Variants in VPS13A observed in about 807,000 individuals in gnomAD.
The protein encoded by VPS13A is intermembrane lipid transfer protein VPS13A.
VPS13A carries 264 observed loss-of-function variants against 390.9 expected under a neutral mutation model. That is an observed-to-expected ratio of 0.68 (90% CI 0.61 to 0.75). The LOEUF (loss-of-function observed/expected upper bound fraction) is 0.75, where lower values mean the gene tolerates loss of function less well. Ranked by LOEUF, VPS13A falls within the 30% of genes least tolerant of loss-of-function variation. The pLI, the probability that VPS13A is intolerant of heterozygous loss-of-function variation, is 0.00. For missense variants in VPS13A, 3,409 were observed against 3,733.9 expected, an observed-to-expected ratio of 0.91 and a Z score of 2.27; for synonymous variants, 1,231 against 1,227.1, an observed-to-expected ratio of 1.00 and a Z score of -0.07.
At chr9:77,250,374 C>T in intron 21 of VPS13A, 145 bp downstream of exon 21, 1 of 1,049,256 alleles carries the variant, frequency 9.5e-7, no homozygotes, top group Non-Finnish European at 1.4e-6. Context: ...TCTAGCTGTT[C>T]TTACCAGGAG....
chr9:77,237,993 T>C lies in VPS13A; in HGVS notation c.1596-9T>C. 6.3e-7 allele frequency: 1 copy of C among 1,586,574 alleles called. No individual in the cohort carries two copies. Among genetic ancestry groups the C allele is most frequent in the Non-Finnish European group, 8.6e-7 (1 of 1,160,600 alleles). On this transcript the variant is annotated splice_polypyrimidine_tract_variant and intron_variant, in intron 17 of 71. Transcript: ENST00000360280. ...GATCGCTGACTTTTTTCTTTTTTTT[T>C]TAATGCAGATTTGAAACTAAAATAG...
intron 59 of VPS13A, among the ~76,000 whole-genome samples, chr9:77,364,493 A>T (rs1832330722): frequency 6.6e-6 from 1 of 152,088 alleles, no homozygotes; most frequent in African/African-American, 2.4e-5. Context: ...ACTCAACCAT[A>T]ACTTAACCTC....
chr9:77,236,794 C>G (rs1287831520), intron 17 of VPS13A, among the ~76,000 whole-genome samples: 1 of 152,144 alleles, frequency 6.6e-6, no homozygotes, highest in African/African-American at 2.4e-5. Context: ...TTAGCTGCGC[C>G]CATATTAATG....
Position 77,226,617 on chromosome 9 carries a change from A to G in VPS13A, c.1357+19A>G. ...CCTGAAAGTATGTCCATTTCATTTT[A>G]CAGCATAGTTAATCACTGGGTGTCA... On this transcript the variant is annotated intron_variant, in intron 15 of 71. Coordinates refer to ENST00000360280, the MANE Select transcript of VPS13A (RefSeq NM_033305.3). The G allele has an allele frequency of 6.2e-7, 1 of 1,609,400 alleles. No individual in the cohort carries two copies. Among genetic ancestry groups the G allele is most frequent in the Non-Finnish European group, 8.5e-7 (1 of 1,177,154 alleles).
At position 77,280,285 on chromosome 9, in the gene VPS13A, G is replaced by A. The variant is rs781313793; in HGVS notation, c.2904+47G>A. 4 of 1,466,678 alleles carry A rather than the reference G, an allele frequency of 2.7e-6. No individual in the cohort carries two copies. The South Asian group carries it at 4.6e-5, about 17-fold the overall frequency. The allele number at this position is 1,466,678 out of a possible 1,614,324, so 90.9% of individuals were successfully genotyped here. ...TGCTTAATATGGTAAGTATGCTGCT[G>A]AAATGTTAAGTTTTGTAAGTTTGGT... On this transcript the variant is annotated intron_variant, in intron 27 of 71. Transcript: ENST00000360280.
intron 1 of VPS13A, among the ~76,000 whole-genome samples, chr9:77,191,936 T>C (rs562829913): frequency 6.6e-6 from 1 of 152,166 alleles, no homozygotes; most frequent in South Asian, 2.1e-4. Context: ...TCTAATACTG[T>C]CAGTGGGTTT....
chr9:77,321,096 T>A, intron 42 of VPS13A, 73 bp from the exon 43 acceptor site: 1 of 1,333,746 alleles, frequency 7.5e-7, no homozygotes, highest in Non-Finnish European at 1.1e-6. Context: ...TTTCTAATGT[T>A]GGTATTGGGA....
chr9:77,365,725 T>G, intron 60 of VPS13A, 152 bp downstream of exon 60: 1 of 556,346 alleles, frequency 1.8e-6, no homozygotes, highest in South Asian at 2.5e-5. Context: ...TTTTATTTAT[T>G]TTTAAATAAC....
At chr9:77,403,135 G>T (rs962989682) in intron 68 of VPS13A, 101 bp from the exon 69 acceptor site, 9 of 767,770 alleles carry the variant, frequency 1.2e-5, no homozygotes, top group Middle Eastern at 3.4e-4. Context: ...TTAATGGTTT[G>T]CCCCATTGAG....
At chr9:77,370,783 T>TA in intron 65 of VPS13A, 107 bp from the exon 66 acceptor site, 1 of 1,486,110 alleles carries the variant, frequency 6.7e-7, no homozygotes, top group Non-Finnish European at 9.3e-7. Flanking sequence ...TGTTAATTCT[T>TA]ATGCTATATA....
chr9:77,271,377 C>A (rs73466074), intron 23 of VPS13A, among the ~76,000 whole-genome samples: 1,871 of 152,078 alleles, frequency 0.012, 39 homozygotes, highest in African/African-American at 0.042. Flanking sequence ...ATAGCATAAC[C>A]CTTTGTAATT....
chr9:77,297,745 T>G (rs1214730898), intron 33 of VPS13A, among the ~76,000 whole-genome samples: 1 of 152,072 alleles, frequency 6.6e-6, no homozygotes, highest in African/African-American at 2.4e-5. Flanking sequence ...TATAAGGGAT[T>G]AATAAGTAAT....
intron 31 of VPS13A, 117 bp downstream of exon 31, chr9:77,283,767 A>C: frequency 2.4e-6 from 2 of 848,872 alleles, no homozygotes; most frequent in South Asian, 1.7e-5. Context: ...TATTATGTGC[A>C]TGGGTTTTGG....
At chr9:77,217,783 CTTTTTTTTTTT>C (rs546757591) in intron 10 of VPS13A, among the ~76,000 whole-genome samples, 1 of 138,554 alleles carries the variant, frequency 7.2e-6, no homozygotes, top group Non-Finnish European at 1.6e-5. Context: ...CTTTTTTTTT[CTTTTTTTTTTT>C]TGGATAGAAT....
chr9:77,305,291 A>G lies in VPS13A; in HGVS notation c.3960+2229A>G, dbSNP rs535487199. Among the ~76,000 whole-genome samples the G allele has an allele frequency of 5.9e-5, 9 of 152,344 alleles. No homozygotes were observed. In the East Asian group the frequency reaches 1.4e-3, roughly 23 times the overall value. On this transcript the variant is annotated intron_variant, in intron 34 of 71. Coordinates refer to ENST00000360280, the MANE Select transcript of VPS13A (RefSeq NM_033305.3). The stretch of plus-strand genomic sequence containing the variant: ...TATTCAGAGCATAAAACATGATGGC[A>G]TTATGAAAATCTTAGTGTGTAAGAT...
intron 51 of VPS13A, among the ~76,000 whole-genome samples, chr9:77,344,777 T>G (rs1344312302): frequency 6.6e-6 from 1 of 151,048 alleles, no homozygotes; most frequent in Non-Finnish European, 1.5e-5. Context: ...AAAAAAAAAG[T>G]TAGTTGGAAT....
intron 33 of VPS13A, among the ~76,000 whole-genome samples, chr9:77,300,487 T>G (rs764605704): frequency 1.3e-5 from 2 of 152,196 alleles, no homozygotes; most frequent in Non-Finnish European, 2.9e-5. Flanking sequence ...AACCCAGCAC[T>G]TTGGGAGGTT....
intron 37 of VPS13A, 107 bp downstream of exon 37, chr9:77,314,771 T>C: frequency 9.3e-7 from 1 of 1,080,070 alleles, no homozygotes; most frequent in Non-Finnish European, 1.4e-6. Flanking sequence ...CATCCTAGGT[T>C]CTTTAAAGCT....
intron 1 of VPS13A, among the ~76,000 whole-genome samples, chr9:77,198,937 A>G (rs1204185438): frequency 6.6e-6 from 1 of 152,172 alleles, no homozygotes; most frequent in Non-Finnish European, 1.5e-5. Flanking sequence ...TGCCAGGATT[A>G]CAGGCGTGAA....
Sources: allele counts gnomAD v4.1 joint callset (sites outside exome capture counted in the v4.1 genomes callset), GRCh38; gene constraint gnomAD v4.1.1; transcripts MANE v1.5; gene names NCBI Gene and HGNC (gene_info 2026-07-23, HGNC 2026-07-21).